The following MTHFD1L variants were observed in gnomAD, a reference collection of about 807,000 sequenced individuals.
The protein encoded by MTHFD1L is methylenetetrahydrofolate dehydrogenase (NADP+ dependent) 1 like.
In MTHFD1L, 81 loss-of-function variants were observed where a neutral mutation model predicts 119.5. The ratio of observed to expected loss-of-function variants is 0.68; its 90% CI spans 0.57 to 0.82. The LOEUF is 0.82. Among genes scored for constraint, MTHFD1L ranks in the 40% least tolerant of loss-of-function variants. The probability of loss-of-function intolerance (pLI) is 0.00; values close to 1 mark genes in which losing one functional copy is unlikely to be tolerated. For missense variants in MTHFD1L, 1,125 were observed against 1,253.4 expected, an observed-to-expected ratio of 0.90 and a Z score of 1.55; for synonymous variants, 430 against 475.2, an observed-to-expected ratio of 0.90 and a Z score of 1.24.
intron 20 of MTHFD1L, among the ~76,000 whole-genome samples, chr6:151,003,855 G>T (rs2128470073): frequency 6.6e-6 from 1 of 152,154 alleles, no homozygotes; most frequent in African/African-American, 2.4e-5. Context: ...CACCACACTG[G>T]GCTTTGTGTC....
chr6:151,043,701 G>A (rs922188906), intron 26 of MTHFD1L, among the ~76,000 whole-genome samples: 24 of 152,072 alleles, frequency 1.6e-4, no homozygotes, highest in Admixed American at 9.2e-4. Flanking sequence ...CTTAGAATAC[G>A]CACCCTTTTG....
At chr6:150,928,886 C>G (rs1790518866) in intron 11 of MTHFD1L, among the ~76,000 whole-genome samples, 1 of 152,174 alleles carries the variant, frequency 6.6e-6, no homozygotes, top group Non-Finnish European at 1.5e-5. Flanking sequence ...CAGGGCCTCT[C>G]TGAATCCCTC....
At chr6:150,868,047 G>C (rs907399654) in intron 1 of MTHFD1L, among the ~76,000 whole-genome samples, 4 of 152,082 alleles carry the variant, frequency 2.6e-5, no homozygotes, top group African/African-American at 9.7e-5. Flanking sequence ...TGATCCGACT[G>C]CCTTGGCCTC....
Position 151,069,962 on chromosome 6 carries a change from C to T in MTHFD1L, c.2848-22505C>T, listed in dbSNP as rs188472951. On this transcript the variant is annotated intron_variant, in intron 26 of 27. Coordinates refer to ENST00000367321, the MANE Select transcript of MTHFD1L (RefSeq NM_015440.5). Reference sequence around the variant, plus strand: ...TGAGTACATGCTGCTTTTATGTTGACGCAGAGGACCTGTGTTGACTCTTCA... The same window carrying T: ...TGAGTACATGCTGCTTTTATGTTGATGCAGAGGACCTGTGTTGACTCTTCA... Among the ~76,000 whole-genome samples the T allele has an allele frequency of 2.6e-3, 403 of 152,210 alleles. 6 individuals carry two copies. Among genetic ancestry groups the T allele is most frequent in the Non-Finnish European group, 1.1e-3 (74 of 68,006 alleles).
chr6:151,036,906 GA>G, intron 25 of MTHFD1L, 58 bp from the exon 26 acceptor site: 2 of 1,593,326 alleles, frequency 1.3e-6, no homozygotes, highest in African/African-American at 2.7e-5. Flanking sequence ...AGTGCAAATT[GA>G]AAAGCACAGG....
chr6:150,905,036 C>CTTTTTTTTTTT (rs36039459), intron 7 of MTHFD1L, among the ~76,000 whole-genome samples: 2 of 111,728 alleles, frequency 1.8e-5, no homozygotes, highest in Non-Finnish European at 1.7e-5. Flanking sequence ...TTGTTTTCCT[C>CTTTTTTTTTTT]TTTTTTTTTT....
chr6:150,917,952 G>A lies in MTHFD1L; in HGVS notation c.893-625G>A, dbSNP rs141458052. Among the ~76,000 whole-genome samples the A allele has an allele frequency of 1.9e-3, 292 of 152,198 alleles. 2 individuals are homozygous for A. Among genetic ancestry groups the A allele is most frequent in the African/African-American group, 6.5e-3 (271 of 41,522 alleles). On this transcript the variant is annotated intron_variant, in intron 8 of 27. Transcript: ENST00000367321. The stretch of plus-strand genomic sequence containing the variant: ...ATACTTGGGCTCGTGTGAAGAGATG[G>A]TGTGCCTAGATGTTTCTTCCTGGCT...
intron 26 of MTHFD1L, among the ~76,000 whole-genome samples, chr6:151,051,489 G>A (rs111774176): frequency 2.2e-4 from 34 of 152,270 alleles, no homozygotes; most frequent in African/African-American, 7.2e-4. Context: ...GAGTTCTAGC[G>A]CTCTGTGGCT....
At chr6:150,883,412 A>G (rs140183369) in intron 5 of MTHFD1L, among the ~76,000 whole-genome samples, 1 of 152,200 alleles carries the variant, frequency 6.6e-6, no homozygotes, top group African/African-American at 2.4e-5. Flanking sequence ...CTTCAATGCC[A>G]TATGATCTTA....
chr6:150,963,003 A>G (rs1307494092), intron 18 of MTHFD1L, among the ~76,000 whole-genome samples: 3 of 146,360 alleles, frequency 2.0e-5, no homozygotes, highest in Non-Finnish European at 3.0e-5. Context: ...GCAACCTCCA[A>G]CTCCCAGGTT....
intron 27 of MTHFD1L, chr6:151,099,941 G>A (rs992100196): frequency 1.4e-5 from 15 of 1,054,808 alleles, no homozygotes; most frequent in Admixed American, 1.0e-4. Flanking sequence ...TAGACAGCTC[G>A]TGTGCACATT....
At chr6:151,017,627 G>A (rs763423598) in intron 24 of MTHFD1L, among the ~76,000 whole-genome samples, 9 of 152,090 alleles carry the variant, frequency 5.9e-5, no homozygotes, top group Admixed American at 2.0e-4. Flanking sequence ...TTACAGGTGT[G>A]AGCCACCGCG....
rs1458419297 is a variant in MTHFD1L at position 151,044,586 on chromosome 6, C to T, written c.2847+7469C>T. ...AAAGTGCTGGGATTACAGGAGTGAG[C>T]CACTGCGCCCGGCCAACTACATGCT... On this transcript the variant is annotated intron_variant, in intron 26 of 27. Coordinates refer to ENST00000367321, the MANE Select transcript of MTHFD1L (RefSeq NM_015440.5). Among the ~76,000 whole-genome samples the T allele has an allele frequency of 5.3e-5, 8 of 152,236 alleles. No homozygotes were observed. In the East Asian group the frequency reaches 1.5e-3, roughly 29 times the overall value.
intron 24 of MTHFD1L, among the ~76,000 whole-genome samples, chr6:151,031,810 G>C (rs140438384): frequency 3.9e-3 from 589 of 152,216 alleles, no homozygotes; most frequent in African/African-American, 0.013. Context: ...CCAATATGTA[G>C]AGTTATAATT....
chr6:150,968,846 CTTTTTTTTTTT>C lies in MTHFD1L; in HGVS notation c.2014-3092_2014-3082del, dbSNP rs145806257. 7.4e-5 allele frequency among the ~76,000 whole-genome samples: 8 copies of C among 108,540 alleles called. No homozygotes were observed. In the Admixed American group the frequency reaches 8.3e-4, roughly 11 times the overall value. 71.2% of individuals were successfully genotyped at this position (108,540 alleles called of 152,430 possible). A position where few individuals can be genotyped will look rare whatever the true frequency, so the allele number is the denominator to read the frequency against. On this transcript the variant is annotated intron_variant, in intron 19 of 27. Coordinates refer to ENST00000367321, the MANE Select transcript of MTHFD1L (RefSeq NM_015440.5). ...AATCATTTTCTTGTTTTAAATAATT[CTTTTTTTTTTT>C]TTTTTTTTGAAACGGAGTTTTGCTC... is the stretch of plus-strand genomic sequence containing the variant.
intron 3 of MTHFD1L, 25 bp from the exon 4 acceptor site, chr6:150,877,748 G>C: frequency 6.2e-7 from 1 of 1,614,164 alleles, no homozygotes; most frequent in Non-Finnish European, 8.5e-7. Flanking sequence ...TTATAGTGAC[G>C]AATAACCTTG....
At chr6:151,006,368 G>A (rs1781392404) in intron 20 of MTHFD1L, among the ~76,000 whole-genome samples, 1 of 152,158 alleles carries the variant, frequency 6.6e-6, no homozygotes, top group African/African-American at 2.4e-5. Context: ...GTAACATAGA[G>A]TATGTGGGCT....
At chr6:151,022,006 T>C (rs1162988203) in intron 24 of MTHFD1L, 1 of 471,084 alleles carries the variant, frequency 2.1e-6, no homozygotes, top group Admixed American at 2.3e-5. Context: ...TATTAAAAGG[T>C]CTTTCCTGTT....
chr6:150,952,728 T>A (rs767202848), intron 16 of MTHFD1L, among the ~76,000 whole-genome samples: 7 of 152,004 alleles, frequency 4.6e-5, no homozygotes, highest in Non-Finnish European at 7.4e-5. Flanking sequence ...CGGGGTTTCA[T>A]CGTGTTGGCC....
Sources: gnomAD v4.1 joint callset for allele counts (sites outside exome capture counted in the v4.1 genomes callset) on GRCh38, gnomAD v4.1.1 for gene constraint, MANE v1.5 for transcripts, NCBI Gene and HGNC (gene_info 2026-07-23, HGNC 2026-07-21) for gene names.